AFF3: variants seen among roughly 807,000 people sequenced by gnomAD.
The protein encoded by AFF3 is ALF transcription elongation factor 3, also known as AF4/FMR2 family member 3.
AFF3 carries 32 observed loss-of-function variants against 129.7 expected under a neutral mutation model. The ratio of observed to expected loss-of-function variants is 0.25; its 90% CI spans 0.19 to 0.33. The LOEUF is 0.33. Among genes scored for constraint, AFF3 ranks in the 10% least tolerant of loss-of-function variants. The pLI is 1.00. For synonymous variants in AFF3, 644 were observed against 635.4 expected, an observed-to-expected ratio of 1.01 and a Z score of -0.20; for missense variants, 1,373 against 1,592.0, an observed-to-expected ratio of 0.86 and a Z score of 2.34.
chr2:99,745,780 A>C (rs765091323), intron 9 of AFF3, among the ~76,000 whole-genome samples: 9 of 152,252 alleles, frequency 5.9e-5, no homozygotes, highest in Non-Finnish European at 1.3e-4. Flanking sequence ...AGGTAAATAG[A>C]GATTGAATTT....
intron 18 of AFF3, chr2:99,572,541 G>A: frequency 2.2e-6 from 1 of 453,084 alleles, no homozygotes; most frequent in Non-Finnish European, 4.4e-6. Flanking sequence ...AGGGATGAGA[G>A]CTCAATGTGT....
chr2:99,739,579 A>G (rs1558803152), intron 10 of AFF3, among the ~76,000 whole-genome samples: 1 of 152,170 alleles, frequency 6.6e-6, no homozygotes, highest in Non-Finnish European at 1.5e-5. Context: ...ATTTTATAAT[A>G]TCAAGTTCAA....
At chr2:99,757,933 T>C (rs1682257240) in intron 8 of AFF3, among the ~76,000 whole-genome samples, 1 of 152,188 alleles carries the variant, frequency 6.6e-6, no homozygotes, top group African/African-American at 2.4e-5. Flanking sequence ...TCCCCTCTAT[T>C]GTGGTTACTT....
At chr2:99,745,319 T>C (rs1681066181) in intron 9 of AFF3, among the ~76,000 whole-genome samples, 1 of 152,224 alleles carries the variant, frequency 6.6e-6, no homozygotes, top group Non-Finnish European at 1.5e-5. Context: ...ATCCTGTCAA[T>C]TGTCTTTTCA....
rs150168192 is a variant in AFF3 at position 99,729,577 on chromosome 2, A to T, written c.1040-2449T>A. Among the ~76,000 whole-genome samples, 667 of 152,274 alleles carry T rather than the reference A, an allele frequency of 4.4e-3. 3 individuals are homozygous for T. Among genetic ancestry groups the T allele is most frequent in the African/African-American group, 0.015 (632 of 41,548 alleles). ...AAGAATAAAACACAAAGCTTCCCCC[A>T]CATCTTGAAATTTTAGGTGATGAAA... is the stretch of plus-strand genomic sequence containing the variant. On this transcript the variant is annotated intron_variant, in intron 10 of 24. Coordinates refer to ENST00000672756, the MANE Select transcript of AFF3 (RefSeq NM_001386135.1).
rs1440744146 is a variant in AFF3, at chr2:100,104,513, C to G, written c.-59G>C. On this transcript the variant is annotated 5_prime_UTR_variant, in exon 4 of 25. Transcript: ENST00000672756. ...CGCCGCCGCCGAGGCTCGGGCCGCC[C>G]GCGCGCTGCAACGAAAGGCGCCGCT... 7.9e-6 allele frequency: 10 copies of G among 1,268,138 alleles called. No individual in the cohort carries two copies. In the East Asian group the frequency reaches 4.0e-4, roughly 51 times the overall value. 78.6% of individuals were successfully genotyped at this position (1,268,138 alleles called of 1,614,324 possible).
intron 4 of AFF3, among the ~76,000 whole-genome samples, chr2:100,058,414 A>G (rs1686978388): frequency 6.6e-6 from 1 of 152,204 alleles, no homozygotes; most frequent in Non-Finnish European, 1.5e-5. Context: ...AAGCAAAAAT[A>G]ATATTTACAT....
At chr2:99,729,619 G>A (rs1352036996) in intron 10 of AFF3, among the ~76,000 whole-genome samples, 1 of 152,100 alleles carries the variant, frequency 6.6e-6, no homozygotes, top group Non-Finnish European at 1.5e-5. Context: ...AAGTTAACTT[G>A]AAATGTTTAA....
intron 11 of AFF3, among the ~76,000 whole-genome samples, chr2:99,712,376 G>A (rs1191134195): frequency 6.6e-6 from 1 of 152,156 alleles, no homozygotes; most frequent in African/African-American, 2.4e-5. Context: ...GAGGAAAGAC[G>A]AGCCCAGCTT....
rs537497909 is a variant in AFF3 at position 99,584,933 on chromosome 2, A to G, written c.2592-1934T>C. Among the ~76,000 whole-genome samples, 5 of 152,360 alleles carry G rather than the reference A, an allele frequency of 3.3e-5. No homozygotes were observed. The East Asian group carries it at 9.6e-4, about 29-fold the overall frequency. Reference sequence around the variant, plus strand: ...GAAATTACAAACACAGACCTCTAGAACAAATGACAAAACCAAGGTTCTGAA... The same window carrying G: ...GAAATTACAAACACAGACCTCTAGAGCAAATGACAAAACCAAGGTTCTGAA... On this transcript the variant is annotated intron_variant, in intron 16 of 24. Coordinates refer to ENST00000672756, the MANE Select transcript of AFF3 (RefSeq NM_001386135.1).
intron 11 of AFF3, among the ~76,000 whole-genome samples, chr2:99,691,663 A>C (rs886200360): frequency 6.6e-6 from 1 of 152,160 alleles, no homozygotes; most frequent in Admixed American, 6.5e-5. Flanking sequence ...AAAGAGTCTT[A>C]AGTAAAGTTG....
chr2:99,761,001 T>A (rs1277392676), intron 8 of AFF3, among the ~76,000 whole-genome samples: 1 of 151,624 alleles, frequency 6.6e-6, no homozygotes, highest in Non-Finnish European at 1.5e-5. Context: ...GCTCATATGA[T>A]CCTCCTGCTT....
chr2:99,983,828 T>C (rs1679617592), intron 7 of AFF3, among the ~76,000 whole-genome samples: 1 of 152,108 alleles, frequency 6.6e-6, no homozygotes. Context: ...TTTGCAATTG[T>C]ACTACAGAGC....
intron 16 of AFF3, among the ~76,000 whole-genome samples, chr2:99,586,391 C>T (rs952165668): frequency 6.6e-6 from 1 of 152,206 alleles, no homozygotes; most frequent in African/African-American, 2.4e-5. Context: ...AGTTTTAGCA[C>T]TGCTCTACAT....
intron 8 of AFF3, among the ~76,000 whole-genome samples, chr2:99,827,059 C>G (rs921206145): frequency 2.0e-5 from 3 of 152,106 alleles, no homozygotes; most frequent in Non-Finnish European, 4.4e-5. Context: ...GAAGATAATC[C>G]AAGCTGCAGG....
intron 8 of AFF3, among the ~76,000 whole-genome samples, chr2:99,826,016 T>A (rs781373714): frequency 7.1e-4 from 76 of 106,456 alleles, no homozygotes; most frequent in Middle Eastern, 4.9e-3. Flanking sequence ...ACTTAAAAAA[T>A]TTTTTTTTAA....
At chr2:99,748,585 T>C (rs975997186) in intron 9 of AFF3, among the ~76,000 whole-genome samples, 5 of 152,192 alleles carry the variant, frequency 3.3e-5, no homozygotes, top group South Asian at 2.1e-4. Context: ...GCTTTCTGTT[T>C]CCTGCCTGGC....
At chr2:99,726,348 T>C (rs958214505) in intron 11 of AFF3, among the ~76,000 whole-genome samples, 5 of 152,224 alleles carry the variant, frequency 3.3e-5, no homozygotes, top group African/African-American at 1.2e-4. Flanking sequence ...GCCTATCTTA[T>C]AATAAGAAAA....
At chr2:99,646,506 G>A (rs1294392538) in intron 13 of AFF3, among the ~76,000 whole-genome samples, 1 of 150,144 alleles carries the variant, frequency 6.7e-6, no homozygotes. Flanking sequence ...CAGGCTGAAA[G>A]CAAAAGGTTT....
Sources: gnomAD v4.1 joint callset for allele counts (sites outside exome capture counted in the v4.1 genomes callset) on GRCh38, gnomAD v4.1.1 for gene constraint, MANE v1.5 for transcripts, NCBI Gene and HGNC (gene_info 2026-07-23, HGNC 2026-07-21) for gene names.